Variants in TMEM117 observed in about 807,000 individuals in gnomAD.
TMEM117 encodes transmembrane protein 117.
Under a neutral mutation model 52.4 loss-of-function variants are expected in TMEM117, and 27 were observed. The observed-to-expected ratio is 0.51, with a 90% CI of 0.38 to 0.71. TMEM117 has a LOEUF of 0.71. Among genes scored for constraint, TMEM117 ranks in the 30% least tolerant of loss-of-function variants. The probability of loss-of-function intolerance (pLI) is 0.00; values close to 1 mark genes in which losing one functional copy is unlikely to be tolerated. For synonymous variants in TMEM117, 215 were observed against 206.3 expected (o/e 1.04, Z -0.36); for missense variants, 556 against 630.5 (o/e 0.88, Z 1.26).
At chr12:43,935,797 C>T (rs927110175) in intron 2 of TMEM117, among the ~76,000 whole-genome samples, 3 of 152,158 alleles carry the variant, frequency 2.0e-5, no homozygotes, top group African/African-American at 7.2e-5. Flanking sequence ...AAAATATTAA[C>T]AAAGAAGACA....
At chr12:43,854,705 C>T (rs900130165) in intron 2 of TMEM117, among the ~76,000 whole-genome samples, 11 of 151,968 alleles carry the variant, frequency 7.2e-5, no homozygotes, top group South Asian at 2.1e-4. Flanking sequence ...GGCGTGATCT[C>T]GGCTCACTGC....
chr12:44,287,368 A>G (rs1156763505), intron 5 of TMEM117, among the ~76,000 whole-genome samples: 2 of 152,198 alleles, frequency 1.3e-5, no homozygotes, highest in African/African-American at 4.8e-5. Flanking sequence ...AGTAATCCAG[A>G]TAATTATTTA....
In TMEM117 at chr12:44,241,891, A is replaced by C. The variant is rs111811326; in HGVS notation, c.608+30504A>C. ...TTGTTTTAATCAGTGGAACTTTATA[A>C]AATATTTTAACATGTGGAGGAATGG... On this transcript the variant is annotated intron_variant, in intron 5 of 7. Coordinates refer to ENST00000266534, the MANE Select transcript of TMEM117 (RefSeq NM_032256.3). 9.4e-3 allele frequency among the ~76,000 whole-genome samples: 1,423 copies of C among 152,006 alleles called. 26 individuals are homozygous for C. The highest frequency in any genetic ancestry group is 0.032 in the African/African-American group (1,325 of 41,542).
chr12:43,857,313 C>CTTTTTTTTTTTTTT, intron 2 of TMEM117, among the ~76,000 whole-genome samples: 1 of 148,144 alleles, frequency 6.8e-6, no homozygotes, highest in Non-Finnish European at 1.5e-5. Context: ...TTTCTAGGTA[C>CTTTTTTTTTTTTTT]TTTTTTTTTT....
chr12:44,107,786 A>G (rs1490946197), intron 3 of TMEM117, among the ~76,000 whole-genome samples: 1 of 152,186 alleles, frequency 6.6e-6, no homozygotes, highest in Non-Finnish European at 1.5e-5. Flanking sequence ...TCAGAAAGCA[A>G]CTTTGTTTTC....
intron 3 of TMEM117, among the ~76,000 whole-genome samples, chr12:44,087,102 T>C (rs1397741878): frequency 6.6e-6 from 1 of 150,734 alleles, no homozygotes; most frequent in Non-Finnish European, 1.5e-5. Context: ...ATGCCTCTTA[T>C]ACACACTGTC....
chr12:43,830,817 G>A, the TMEM117 span, among the ~76,000 whole-genome samples: 5 of 152,184 alleles, frequency 3.3e-5, no homozygotes, highest in Middle Eastern at 3.4e-3. Flanking sequence ...CAGACCAAAT[G>A]CTAAAAGTGT....
chr12:43,847,970 G>A (rs1173019492), intron 2 of TMEM117, among the ~76,000 whole-genome samples: 11 of 152,144 alleles, frequency 7.2e-5, no homozygotes, highest in Middle Eastern at 3.2e-3. Context: ...TGTGATGCCC[G>A]CCTGAGTCTC....
At chr12:44,161,626 G>T (rs1948899658) in intron 4 of TMEM117, among the ~76,000 whole-genome samples, 1 of 152,148 alleles carries the variant, frequency 6.6e-6, no homozygotes, top group African/African-American at 2.4e-5. Context: ...TTATCATTCA[G>T]TAAGCATATA....
chr12:44,175,653 C>A (rs1949107440), intron 4 of TMEM117, among the ~76,000 whole-genome samples: 1 of 152,034 alleles, frequency 6.6e-6, no homozygotes, highest in Non-Finnish European at 1.5e-5. Flanking sequence ...GGTAAAGGCC[C>A]AATGAATACC....
At chr12:44,275,716 G>A (rs982057063) in intron 5 of TMEM117, among the ~76,000 whole-genome samples, 1 of 151,500 alleles carries the variant, frequency 6.6e-6, no homozygotes, top group African/African-American at 2.4e-5. Context: ...AACATCGCAT[G>A]TTTTCACTTA....
intron 3 of TMEM117, among the ~76,000 whole-genome samples, chr12:43,947,967 C>A (rs187888898): frequency 6.6e-6 from 1 of 152,226 alleles, no homozygotes; most frequent in East Asian, 1.9e-4. Flanking sequence ...AAACTGGGGT[C>A]TCATGATCTC....
At chr12:44,120,227 A>G (rs992033717) in intron 3 of TMEM117, among the ~76,000 whole-genome samples, 3 of 151,916 alleles carry the variant, frequency 2.0e-5, no homozygotes, top group Non-Finnish European at 4.4e-5. Context: ...AGGAATTATC[A>G]TTTTCCCGAT....
At chr12:43,947,083 C>T (rs1444094701) in intron 3 of TMEM117, among the ~76,000 whole-genome samples, 1 of 152,164 alleles carries the variant, frequency 6.6e-6, no homozygotes, top group Admixed American at 6.5e-5. Context: ...CCTATAATCC[C>T]AGTGCTTTGG....
rs571775932 is a variant in TMEM117, at chr12:44,270,709, G to T, written c.609-28871G>T. On this transcript the variant is annotated intron_variant, in intron 5 of 7. Transcript: ENST00000266534. ...TCATGTTCCAGTTCTCAAAGGGAAT[G>T]CTTTCAACTTTTCTCCATTCAGTAT... Among the ~76,000 whole-genome samples, 6 of 152,176 alleles carry T rather than the reference G, an allele frequency of 3.9e-5. No homozygotes were observed. The South Asian group carries it at 1.2e-3, about 32-fold the overall frequency.
intron 2 of TMEM117, among the ~76,000 whole-genome samples, chr12:43,883,704 A>G (rs1253694607): frequency 6.6e-6 from 1 of 152,146 alleles, no homozygotes; most frequent in Non-Finnish European, 1.5e-5. Context: ...AAAAATGTGA[A>G]AAACGTTCAG....
At chr12:44,152,647 A>T (rs1395288673) in intron 4 of TMEM117, among the ~76,000 whole-genome samples, 22 of 130,458 alleles carry the variant, frequency 1.7e-4, no homozygotes, top group African/African-American at 6.4e-4. Context: ...AAATTTTTAT[A>T]TATAATATTT....
intron 3 of TMEM117, among the ~76,000 whole-genome samples, chr12:44,002,071 G>C (rs73087626): frequency 0.091 from 13,838 of 152,056 alleles, 995 homozygotes; most frequent in African/African-American, 0.19. Flanking sequence ...CTCTGCTGAG[G>C]GGATATCCTG....
At chr12:43,886,632 T>TA (rs1943999542) in intron 2 of TMEM117, among the ~76,000 whole-genome samples, 1 of 152,214 alleles carries the variant, frequency 6.6e-6, no homozygotes, top group Non-Finnish European at 1.5e-5. Flanking sequence ...TTCTTTTTTT[T>TA]AACTTTTAAG....
Sources: gnomAD v4.1 joint callset for allele counts (sites outside exome capture counted in the v4.1 genomes callset) on GRCh38, gnomAD v4.1.1 for gene constraint, MANE v1.5 for transcripts, NCBI Gene and HGNC (gene_info 2026-07-23, HGNC 2026-07-21) for gene names.